The following MAGI1 variants were observed in gnomAD, a reference collection of about 807,000 sequenced individuals.
The protein encoded by MAGI1 is membrane-associated guanylate kinase, WW and PDZ domain-containing protein 1.
In MAGI1, 58 loss-of-function variants were observed where a neutral mutation model predicts 139.9. The ratio of observed to expected loss-of-function variants is 0.41; its 90% CI spans 0.34 to 0.52. The LOEUF is 0.52. MAGI1 is among the 20% of genes least tolerant of loss of function. The pLI is 0.12. For synonymous variants in MAGI1, 812 were observed against 737.9 expected (o/e 1.10, Z -1.63); for missense variants, 1,874 against 1,901.6 (o/e 0.99, Z 0.27).
chr3:65,559,688 A>G (rs1004321632), intron 2 of MAGI1, among the ~76,000 whole-genome samples: 29 of 152,138 alleles, frequency 1.9e-4, no homozygotes, highest in African/African-American at 6.8e-4. Flanking sequence ...GAAGCCCAGA[A>G]AGGCTACAAA....
At chr3:66,037,568 C>T (rs1451419144) in intron 1 of MAGI1, among the ~76,000 whole-genome samples, 2 of 152,076 alleles carry the variant, frequency 1.3e-5, no homozygotes, top group African/African-American at 2.4e-5. Context: ...AACTACAGAC[C>T]CTCTCTTTCT....
intron 12 of MAGI1, among the ~76,000 whole-genome samples, chr3:65,412,948 G>GATTTA (rs1382613948): frequency 6.6e-6 from 1 of 152,102 alleles, no homozygotes; most frequent in Non-Finnish European, 1.5e-5. Flanking sequence ...ATGTTCTCAA[G>GATTTA]GATTCTTTGA....
intron 2 of MAGI1, among the ~76,000 whole-genome samples, chr3:65,509,597 C>T (rs555927698): frequency 5.9e-5 from 9 of 152,216 alleles, no homozygotes; most frequent in Middle Eastern, 3.4e-3. Flanking sequence ...CTTTTCAGAC[C>T]GGCTTAAAAA....
chr3:65,402,760 C>A (rs1363622653), intron 12 of MAGI1, among the ~76,000 whole-genome samples: 3 of 152,068 alleles, frequency 2.0e-5, no homozygotes, highest in African/African-American at 7.2e-5. Context: ...CCCAGATGAG[C>A]CGGCAGAGTG....
chr3:65,881,472 T>C (rs960513637), intron 1 of MAGI1, among the ~76,000 whole-genome samples: 1 of 151,892 alleles, frequency 6.6e-6, no homozygotes, highest in Non-Finnish European at 1.5e-5. Context: ...AAAAAATTTT[T>C]TGTAATTAGC....
At chr3:65,549,993 G>A (rs2079743991) in intron 2 of MAGI1, among the ~76,000 whole-genome samples, 1 of 152,134 alleles carries the variant, frequency 6.6e-6, no homozygotes, top group South Asian at 2.1e-4. Context: ...TTCTGGTACA[G>A]AACATTTTAA....
At chr3:65,791,499 T>G (rs926108412) in intron 1 of MAGI1, among the ~76,000 whole-genome samples, 1 of 152,098 alleles carries the variant, frequency 6.6e-6, no homozygotes, top group Non-Finnish European at 1.5e-5. Flanking sequence ...CAAATGAGAA[T>G]ATTTATTATA....
Position 65,835,505 on chromosome 3 carries a change from T to C in MAGI1, c.313+202491A>G, listed in dbSNP as rs889210673. Among the ~76,000 whole-genome samples, 29 of 152,334 alleles carry C rather than the reference T, an allele frequency of 1.9e-4. 1 individual carries two copies. Among genetic ancestry groups the C allele is most frequent in the African/African-American group, 6.7e-4 (28 of 41,582 alleles). ...AAAGCCAATGAATTTCCTAATCCCA[T>C]GCATTTGCATTTCCTGAGTTTCTGA... On this transcript the variant is annotated intron_variant, in intron 1 of 22. Coordinates refer to ENST00000402939, the MANE Select transcript of MAGI1 (RefSeq NM_001033057.2).
rs542541434 is a variant in MAGI1, at chr3:65,368,105, G to A, written c.3197-3159C>T. Among the ~76,000 whole-genome samples the A allele has an allele frequency of 4.2e-3, 634 of 152,210 alleles. 5 individuals are homozygous for A. The highest frequency in any genetic ancestry group is 0.027 in the Middle Eastern group (8 of 294). ...GCTCTCTAGCGCTTTAAAATATAAA[G>A]ATGAGCCCATTATAAAAAAGAGCTT... On this transcript the variant is annotated intron_variant, in intron 18 of 22. Coordinates refer to ENST00000402939, the MANE Select transcript of MAGI1 (RefSeq NM_001033057.2).
At position 65,530,780 on chromosome 3, in the gene MAGI1, T is replaced by TATATACACGTATATATATATACAC. The variant is rs2078657894; in HGVS notation, c.431-37150_431-37149insGTGTATATATATATACGTGTATAT. ...ACGTATATATATATATATACACACA[T>TATATACACGTATATATATATACAC]ATATATACACGTATATATATATATA... On this transcript the variant is annotated intron_variant, in intron 2 of 22. Transcript: ENST00000402939. 4.0e-5 allele frequency among the ~76,000 whole-genome samples: 3 copies of TATATACACGTATATATATATACAC among 74,368 alleles called. 1 individual carries two copies. The highest frequency in any genetic ancestry group is 1.5e-4 in the African/African-American group (3 of 19,994). The allele number at this position is 74,368 out of a possible 152,430, so 48.8% of individuals were successfully genotyped here.
At position 65,828,546 on chromosome 3, in the gene MAGI1, A is replaced by G. The variant is rs78379191; in HGVS notation, c.314-206458T>C. ...TGATGTCACTAAGTGGTTAATGATAATGCTGTACTTTCCAAACCCCAAGGG... is the reference window on the plus strand; with the variant it reads ...TGATGTCACTAAGTGGTTAATGATAGTGCTGTACTTTCCAAACCCCAAGGG... On this transcript the variant is annotated intron_variant, in intron 1 of 22. Transcript: ENST00000402939. Among the ~76,000 whole-genome samples, 1,060 of 152,296 alleles carry G rather than the reference A, an allele frequency of 7.0e-3. 10 individuals carry two copies. Among genetic ancestry groups the G allele is most frequent in the African/African-American group, 0.024 (1,008 of 41,556 alleles).
chr3:65,799,749 C>A (rs1376600316), intron 1 of MAGI1, among the ~76,000 whole-genome samples: 5 of 152,024 alleles, frequency 3.3e-5, no homozygotes, highest in African/African-American at 7.2e-5. Flanking sequence ...AATATGCAAA[C>A]AAAACTCATA....
intron 1 of MAGI1, among the ~76,000 whole-genome samples, chr3:65,973,049 C>T (rs1487824631): frequency 1.3e-5 from 2 of 151,968 alleles, no homozygotes; most frequent in Non-Finnish European, 2.9e-5. Context: ...ACTTGGGAGG[C>T]TGAGATGGGA....
chr3:65,840,189 A>T (rs2108334690), intron 1 of MAGI1, among the ~76,000 whole-genome samples: 1 of 150,178 alleles, frequency 6.7e-6, no homozygotes, highest in African/African-American at 2.5e-5. Flanking sequence ...TTTTCTCTGT[A>T]GACAAAGATA....
At chr3:65,820,838 A>G (rs551298693) in intron 1 of MAGI1, among the ~76,000 whole-genome samples, 325 of 152,252 alleles carry the variant, frequency 2.1e-3, no homozygotes, top group Non-Finnish European at 3.8e-3. Context: ...TTCCAGGTCA[A>G]TATCATCCCA....
At chr3:65,480,224 A>G (rs1309625634) in intron 3 of MAGI1, among the ~76,000 whole-genome samples, 1 of 151,780 alleles carries the variant, frequency 6.6e-6, no homozygotes, top group East Asian at 1.9e-4. Flanking sequence ...TCCGTGAGAC[A>G]TACAGATAAT....
At chr3:65,923,828 A>G (rs1256998194) in intron 1 of MAGI1, among the ~76,000 whole-genome samples, 2 of 152,208 alleles carry the variant, frequency 1.3e-5, no homozygotes, top group African/African-American at 4.8e-5. Context: ...TCCATATGCA[A>G]AAAAGAGCGT....
intron 1 of MAGI1, among the ~76,000 whole-genome samples, chr3:65,957,125 A>G (rs1442812167): frequency 6.6e-6 from 1 of 152,172 alleles, no homozygotes; most frequent in East Asian, 1.9e-4. Context: ...TGACAGTATA[A>G]TAATTTGTAA....
chr3:65,578,864 C>T (rs1456833488), intron 2 of MAGI1, among the ~76,000 whole-genome samples: 1 of 151,646 alleles, frequency 6.6e-6, no homozygotes, highest in Admixed American at 6.6e-5. Flanking sequence ...GAGATTGCCA[C>T]AAGGTGAGAT....
Sources: gnomAD v4.1 joint callset for allele counts (sites outside exome capture counted in the v4.1 genomes callset) on GRCh38, gnomAD v4.1.1 for gene constraint, MANE v1.5 for transcripts, NCBI Gene and HGNC (gene_info 2026-07-23, HGNC 2026-07-21) for gene names.